The following LARP4 variants were observed in gnomAD, a reference collection of about 807,000 sequenced individuals.
The protein encoded by LARP4 is La ribonucleoprotein 4, also known as la-related protein 4.
Under a neutral mutation model 92.9 loss-of-function variants are expected in LARP4, and 29 were observed. The observed-to-expected ratio is 0.31, with a 90% CI of 0.23 to 0.43. The LOEUF is 0.43. LARP4 is among the 20% of genes least tolerant of loss of function. LARP4 has a pLI of 1.00. For synonymous variants in LARP4, 279 were observed against 284.1 expected, an observed-to-expected ratio of 0.98 and a Z score of 0.18; for missense variants, 732 against 860.0, an observed-to-expected ratio of 0.85 and a Z score of 1.86.
rs1241765912 is a variant in LARP4 at position 50,475,947 on chromosome 12, G to A, written c.*83G>A. ...TATATTGAACTGTTTTGGAGGGGAG[G>A]GGGTAGCCAGGAAGGAAACAAGAGA... On this transcript the variant is annotated 3_prime_UTR_variant, in exon 16 of 16. Coordinates refer to ENST00000398473, the MANE Select transcript of LARP4 (RefSeq NM_052879.5). The A allele has an allele frequency of 4.8e-5, 56 of 1,158,058 alleles. No homozygotes were observed. Among genetic ancestry groups the A allele is most frequent in the Non-Finnish European group, 6.2e-5 (51 of 818,692 alleles). 71.7% of individuals were successfully genotyped at this position (1,158,058 alleles called of 1,614,324 possible).
At chr12:50,431,849 A>G (rs1949706043) in intron 4 of LARP4, among the ~76,000 whole-genome samples, 2 of 152,084 alleles carry the variant, frequency 1.3e-5, no homozygotes, top group South Asian at 4.1e-4. Context: ...CACCTCAAAA[A>G]CAAGGAAACA....
chr12:50,466,479 G>A (rs1239253046), intron 12 of LARP4, among the ~76,000 whole-genome samples: 1 of 151,908 alleles, frequency 6.6e-6, no homozygotes, highest in East Asian at 1.9e-4. Flanking sequence ...AATTTAGCCA[G>A]GTGTGGTGGC....
intron 8 of LARP4, 136 bp from the exon 9 acceptor site, chr12:50,453,319 ATTTTC>A (rs1231506541): frequency 1.1e-5 from 6 of 539,492 alleles, no homozygotes; most frequent in South Asian, 6.1e-5. Flanking sequence ...TAAAGCTGTC[ATTTTC>A]TTTTCTTTTG....
intron 8 of LARP4, among the ~76,000 whole-genome samples, chr12:50,449,757 C>T (rs1291648082): frequency 6.6e-6 from 1 of 152,040 alleles, no homozygotes; most frequent in Non-Finnish European, 1.5e-5. Flanking sequence ...ATGTTACATG[C>T]TTGACTCTGG....
chr12:50,413,475 T>C (rs1004592103), intron 1 of LARP4, among the ~76,000 whole-genome samples: 16 of 152,212 alleles, frequency 1.1e-4, no homozygotes, highest in African/African-American at 3.6e-4. Context: ...TCTCCATTTT[T>C]CAAAACTTTT....
At chr12:50,437,677 G>A (rs746403946) in intron 5 of LARP4, 58 bp from the exon 6 acceptor site, 7 of 934,658 alleles carry the variant, frequency 7.5e-6, no homozygotes, top group South Asian at 1.5e-5. Context: ...TTCTTTAATG[G>A]CATTAATAAT....
At chr12:50,431,795 G>A (rs903890624) in intron 4 of LARP4, among the ~76,000 whole-genome samples, 2 of 152,190 alleles carry the variant, frequency 1.3e-5, no homozygotes, top group African/African-American at 4.8e-5. Flanking sequence ...GCAGTGAGCT[G>A]AGGTTATTCC....
At chr12:50,431,468 G>A (rs181954987) in intron 4 of LARP4, among the ~76,000 whole-genome samples, 11 of 152,314 alleles carry the variant, frequency 7.2e-5, no homozygotes, top group Non-Finnish European at 1.2e-4. Flanking sequence ...ATAGTAAGGA[G>A]TTGGACAGAT....
Position 50,426,696 on chromosome 12 carries a change from T to G in LARP4, c.19-1066T>G, listed in dbSNP as rs1049768301. 3.7e-3 allele frequency among the ~76,000 whole-genome samples: 467 copies of G among 125,372 alleles called. 8 individuals carry two copies. The highest frequency in any genetic ancestry group is 0.015 in the African/African-American group (434 of 28,942). The allele number at this position is 125,372 out of a possible 152,430, so 82.2% of individuals were successfully genotyped here. Reference sequence around the variant, plus strand: ...GCATTATGTTTGGGGTGTGTGTGTGTGTGTGTGTGTGTGTGTGTGTGTGTG... The same window carrying G: ...GCATTATGTTTGGGGTGTGTGTGTGGGTGTGTGTGTGTGTGTGTGTGTGTG... On this transcript the variant is annotated intron_variant, in intron 1 of 15. Transcript: ENST00000398473.
chr12:50,454,262 A>G, intron 9 of LARP4, 52 bp from the exon 10 acceptor site: 1 of 1,373,888 alleles, frequency 7.3e-7, no homozygotes, highest in South Asian at 1.2e-5. Context: ...TGACCCTCAC[A>G]CCAGATTTTA....
At chr12:50,426,663 G>T (rs2136997692) in intron 1 of LARP4, among the ~76,000 whole-genome samples, 1 of 147,264 alleles carries the variant, frequency 6.8e-6, no homozygotes, top group African/African-American at 2.5e-5. Context: ...ACCTAGGCAT[G>T]GAACAGGGCA....
chr12:50,449,572 G>A (rs1334256332), intron 8 of LARP4, among the ~76,000 whole-genome samples: 5 of 152,080 alleles, frequency 3.3e-5, no homozygotes, highest in African/African-American at 9.7e-5. Context: ...TACCTTGGTA[G>A]CAAGGGTTTG....
intron 12 of LARP4, among the ~76,000 whole-genome samples, chr12:50,466,142 C>A (rs1956123139): frequency 6.6e-6 from 1 of 152,092 alleles, no homozygotes; most frequent in African/African-American, 2.4e-5. Flanking sequence ...TTGTTGAAGG[C>A]ATTGGTGACA....
Position 50,430,583 on chromosome 12 carries a change from C to T in LARP4, c.398+13C>T. 6.6e-7 allele frequency: 1 copy of T among 1,522,542 alleles called. No homozygotes were observed. The highest frequency in any genetic ancestry group is 1.8e-5 in the Admixed American group (1 of 56,240). 94.3% of individuals were successfully genotyped at this position (1,522,542 alleles called of 1,614,324 possible). A position where few individuals can be genotyped will look rare whatever the true frequency, so the allele number is the denominator to read the frequency against. On this transcript the variant is annotated intron_variant, in intron 4 of 15. Transcript: ENST00000398473. The stretch of plus-strand genomic sequence containing the variant: ...TCTGTTTTTCACGGTATTGCTGTTT[C>T]CCCTTTATTGAATTTTATTAGTAGA...
chr12:50,424,184 C>T (rs1177539335), intron 1 of LARP4, among the ~76,000 whole-genome samples: 3 of 152,118 alleles, frequency 2.0e-5, no homozygotes, highest in Non-Finnish European at 4.4e-5. Flanking sequence ...GCCTGGGCAA[C>T]ATAATGAAAA....
intron 1 of LARP4, chr12:50,420,946 G>GTTTTTTTT (rs1592885035): frequency 9.0e-5 from 4 of 44,620 alleles, no homozygotes; most frequent in South Asian, 9.7e-4. Flanking sequence ...AATAACCTTT[G>GTTTTTTTT]CTTTTTTTTT....
chr12:50,415,733 G>A (rs922077975), intron 1 of LARP4: 13 of 143,368 alleles, frequency 9.1e-5, no homozygotes, highest in Non-Finnish European at 1.5e-4. Flanking sequence ...TTGTTACCCC[G>A]GCTGGAGTGC....
intron 6 of LARP4, among the ~76,000 whole-genome samples, chr12:50,438,960 C>T (rs932792623): frequency 1.3e-5 from 2 of 152,162 alleles, no homozygotes; most frequent in Non-Finnish European, 2.9e-5. Context: ...TTTTTTGAGA[C>T]AGGGTTTCAG....
At chr12:50,436,051 CTGTGTGTGTGTG>C (rs57676021) in intron 5 of LARP4, among the ~76,000 whole-genome samples, 4,801 of 137,716 alleles carry the variant, frequency 0.035, 205 homozygotes, top group East Asian at 0.13. Context: ...TTTACTGACT[CTGTGTGTGTGTG>C]TGTGTGTGTG....
Sources: allele counts gnomAD v4.1 joint callset (sites outside exome capture counted in the v4.1 genomes callset), GRCh38; gene constraint gnomAD v4.1.1; transcripts MANE v1.5; gene names NCBI Gene and HGNC (gene_info 2026-07-23, HGNC 2026-07-21).